Variants in SCRN3 observed in about 807,000 individuals in gnomAD.
SCRN3 encodes secernin 3.
A neutral mutation model predicts 43.1 loss-of-function variants in SCRN3; 39 were observed. The observed-to-expected ratio is 0.91, with a 90% CI of 0.70 to 1.18. The LOEUF is 1.18. SCRN3 is among the 50% of genes most tolerant of loss of function. SCRN3 has a pLI of 0.00. For synonymous variants in SCRN3, 147 were observed against 163.1 expected (o/e 0.90, Z 0.75); for missense variants, 484 against 498.0 (o/e 0.97, Z 0.27).
rs1452374899 is a variant in SCRN3, at chr2:174,429,227, A to G, written c.*1332A>G. On this transcript the variant is annotated 3_prime_UTR_variant, in exon 8 of 8. Coordinates refer to ENST00000272732, the MANE Select transcript of SCRN3 (RefSeq NM_024583.5). ...ATAGATGAGGAAACTAAGGGCAAAC[A>G]GTTCGTTACACTTACGGGAATCTTA... is the stretch of plus-strand genomic sequence containing the variant. 6.6e-6 allele frequency: 1 copy of G among 152,214 alleles called. No homozygotes were observed. The highest frequency in any genetic ancestry group is 1.5e-5 in the Non-Finnish European group (1 of 68,026). 9.4% of individuals were successfully genotyped at this position (152,214 alleles called of 1,614,324 possible). A position where few individuals can be genotyped will look rare whatever the true frequency, so the allele number is the denominator to read the frequency against.
In SCRN3 at chr2:174,428,584, T is replaced by G. The variant is rs1019255816; in HGVS notation, c.*689T>G. 1 of 152,096 alleles carries G rather than the reference T, an allele frequency of 6.6e-6. No homozygotes were observed. Among genetic ancestry groups the G allele is most frequent in the Non-Finnish European group, 1.5e-5 (1 of 67,976 alleles). 9.4% of individuals were successfully genotyped at this position (152,096 alleles called of 1,614,324 possible). Reference sequence around the variant, plus strand: ...TTGTTTGGGAGATTAGAGAATAAGATAAAAGAACCAAAACCTTAGGATATA... The same window carrying G: ...TTGTTTGGGAGATTAGAGAATAAGAGAAAAGAACCAAAACCTTAGGATATA... On this transcript the variant is annotated 3_prime_UTR_variant, in exon 8 of 8. Coordinates refer to ENST00000272732, the MANE Select transcript of SCRN3 (RefSeq NM_024583.5).
At chr2:174,421,717 C>T (rs1212775088) in intron 5 of SCRN3, among the ~76,000 whole-genome samples, 1 of 152,176 alleles carries the variant, frequency 6.6e-6, no homozygotes, top group Non-Finnish European at 1.5e-5. Flanking sequence ...TCCAGGTTCC[C>T]TCCCCATTTT....
At chr2:174,395,889 C>T in intron 1 of SCRN3, 72 bp downstream of exon 1, 1 of 1,437,128 alleles carries the variant, frequency 7.0e-7, no homozygotes, top group Non-Finnish European at 9.1e-7. Flanking sequence ...TGTGGCGCGG[C>T]ACTGCTTGAC....
rs1271369842 is a variant in SCRN3, at chr2:174,400,235, G to A, written c.341+132G>A. 4 of 594,632 alleles carry A rather than the reference G, an allele frequency of 6.7e-6. No individual in the cohort carries two copies. The East Asian group carries it at 1.0e-4, about 15-fold the overall frequency. The allele number at this position is 594,632 out of a possible 1,614,324, so 36.8% of individuals were successfully genotyped here. ...GCAGTTTGTGTCAAAATGGTTTAAAGTACCGGCATGCAATTTCATGACTCT... is the reference window on the plus strand; with the variant it reads ...GCAGTTTGTGTCAAAATGGTTTAAAATACCGGCATGCAATTTCATGACTCT... On this transcript the variant is annotated intron_variant, in intron 3 of 7. Coordinates refer to ENST00000272732, the MANE Select transcript of SCRN3 (RefSeq NM_024583.5).
chr2:174,419,477 T>C (rs920621286), intron 5 of SCRN3, among the ~76,000 whole-genome samples: 1 of 152,206 alleles, frequency 6.6e-6, no homozygotes, highest in Non-Finnish European at 1.5e-5. Context: ...TCTCCTGGGC[T>C]TAAACAATCC....
At chr2:174,417,771 T>C (rs1458576249) in intron 5 of SCRN3, among the ~76,000 whole-genome samples, 1 of 152,234 alleles carries the variant, frequency 6.6e-6, no homozygotes, top group African/African-American at 2.4e-5. Flanking sequence ...GTGTTTGTGC[T>C]CTTCTCTATG....
chr2:174,396,990 A>G, intron 1 of SCRN3: 1 of 727,642 alleles, frequency 1.4e-6, no homozygotes, highest in Non-Finnish European at 1.7e-6. Flanking sequence ...CAGAAGGCAT[A>G]GGTAAGAGAG....
At chr2:174,402,932 A>AT (rs1209536415) in intron 4 of SCRN3, among the ~76,000 whole-genome samples, 2 of 151,826 alleles carry the variant, frequency 1.3e-5, no homozygotes, top group Non-Finnish European at 2.9e-5. Flanking sequence ...TATTTTTTCT[A>AT]TTTTGTATTT....
intron 4 of SCRN3, 54 bp downstream of exon 4, chr2:174,401,243 C>A: frequency 7.5e-7 from 1 of 1,341,764 alleles, no homozygotes; most frequent in South Asian, 1.2e-5. Flanking sequence ...AAAATACACC[C>A]TTACCTATAG....
At chr2:174,425,347 G>A (rs974116375) in intron 7 of SCRN3, among the ~76,000 whole-genome samples, 6 of 152,040 alleles carry the variant, frequency 3.9e-5, no homozygotes, top group Admixed American at 6.6e-5. Context: ...GATAAGAAGC[G>A]AATAGAAAGG....
Position 174,399,917 on chromosome 2 carries a change from T to TTAA in SCRN3, c.160-5_160-4insTAA. ...GCTATGACTTTTTTTTTTTTTTTTT[T>TTAA]ACAGTGTACATATATAGAAATTGAT... On this transcript the variant is annotated splice_region_variant and splice_polypyrimidine_tract_variant and intron_variant, in intron 2 of 7. Coordinates refer to ENST00000272732, the MANE Select transcript of SCRN3 (RefSeq NM_024583.5). The TTAA allele has an allele frequency of 7.8e-7, 1 of 1,279,268 alleles. No homozygotes were observed. Among genetic ancestry groups the TTAA allele is most frequent in the Non-Finnish European group, 1.0e-6 (1 of 980,820 alleles). The allele number at this position is 1,279,268 out of a possible 1,614,324, so 79.2% of individuals were successfully genotyped here.
intron 5 of SCRN3, 60 bp downstream of exon 5, chr2:174,404,375 T>A: frequency 3.5e-6 from 4 of 1,134,210 alleles, no homozygotes; most frequent in Non-Finnish European, 5.2e-6. Context: ...AGATGTAATA[T>A]GGGAATGATA....
At chr2:174,419,571 C>T (rs371687803) in intron 5 of SCRN3, among the ~76,000 whole-genome samples, 7 of 151,566 alleles carry the variant, frequency 4.6e-5, no homozygotes, top group South Asian at 2.1e-4. Context: ...TAATAGACGG[C>T]GGACTTGCCA....
Position 174,401,016 on chromosome 2 carries a change from C to A in SCRN3, c.368C>A (p.Ala123Asp). 1 of 1,613,082 alleles carries A rather than the reference C, an allele frequency of 6.2e-7. No individual in the cohort carries two copies. The highest frequency in any genetic ancestry group is 1.7e-5 in the Admixed American group (1 of 59,876). Residue 123 changes from alanine to aspartate, a missense_variant, in exon 4 of 8, where the codon GCT becomes GAT. By Grantham distance (126) the Ala-to-Asp change is moderately radical. Transcript: ENST00000272732. Reference protein sequence around the residue: ...VRLGLERADTAEKALNVIVDL... With the variant: ...VRLGLERADTDEKALNVIVDL... ...CTTGGCCTTGAAAGAGCTGATACAG[C>A]TGAAAAAGCCCTCAATGTCATTGTT... is the stretch of plus-strand genomic sequence containing the variant.
At chr2:174,403,412 C>T (rs958734432) in intron 4 of SCRN3, among the ~76,000 whole-genome samples, 7 of 152,020 alleles carry the variant, frequency 4.6e-5, no homozygotes, top group East Asian at 1.9e-4. Context: ...AGAACCTGTA[C>T]GCAAGTATAG....
At chr2:174,422,851 A>T (rs1686338938) in intron 5 of SCRN3, 34 bp from the exon 6 acceptor site, 5 of 1,421,024 alleles carry the variant, frequency 3.5e-6, no homozygotes, top group Non-Finnish European at 4.0e-6. Flanking sequence ...GTATATGCAT[A>T]TGTATTTGAT....
chr2:174,423,764 C>A (rs188999525), intron 6 of SCRN3, among the ~76,000 whole-genome samples: 1 of 149,652 alleles, frequency 6.7e-6, no homozygotes, highest in African/African-American at 2.5e-5. Context: ...CCACCGCACC[C>A]GGCCAAGTCT....
intron 6 of SCRN3, among the ~76,000 whole-genome samples, chr2:174,423,614 C>T (rs1264378234): frequency 2.6e-5 from 4 of 151,864 alleles, no homozygotes; most frequent in South Asian, 2.1e-4. Context: ...GGATTACATG[C>T]GTGCGCCACC....
intron 5 of SCRN3, among the ~76,000 whole-genome samples, chr2:174,410,712 T>G (rs1201063729): frequency 6.6e-6 from 1 of 152,218 alleles, no homozygotes; most frequent in Non-Finnish European, 1.5e-5. Context: ...AGTACTCTTA[T>G]CAGTTATTTT....
Sources: gnomAD v4.1 joint callset for allele counts (sites outside exome capture counted in the v4.1 genomes callset) on GRCh38, gnomAD v4.1.1 for gene constraint, MANE v1.5 for transcripts, NCBI Gene and HGNC (gene_info 2026-07-23, HGNC 2026-07-21) for gene names.